The following NAALADL2 variants were observed in gnomAD, a reference collection of about 807,000 sequenced individuals.
NAALADL2 encodes inactive N-acetylated-alpha-linked acidic dipeptidase-like protein 2.
Under a neutral mutation model 87.2 loss-of-function variants are expected in NAALADL2, and 76 were observed. The ratio of observed to expected loss-of-function variants is 0.87; its 90% CI spans 0.72 to 1.05. NAALADL2 has a LOEUF of 1.05. Ranked by LOEUF, NAALADL2 falls within the 50% of genes least tolerant of loss-of-function variation. The pLI, the probability that NAALADL2 is intolerant of heterozygous loss-of-function variation, is 0.00. For synonymous variants in NAALADL2, 354 were observed against 331.0 expected (o/e 1.07, Z -0.75); for missense variants, 1,089 against 945.8 (o/e 1.15, Z -1.99).
chr3:175,079,091 C>A (rs1717221823), intron 1 of NAALADL2, among the ~76,000 whole-genome samples: 2 of 152,210 alleles, frequency 1.3e-5, no homozygotes, highest in Non-Finnish European at 2.9e-5. Flanking sequence ...CTTTCCAACA[C>A]TTATCATCTG....
intron 12 of NAALADL2, among the ~76,000 whole-genome samples, chr3:175,739,861 A>G (rs890042288): frequency 2.6e-5 from 4 of 152,208 alleles, no homozygotes; most frequent in Admixed American, 2.6e-4. Flanking sequence ...ACTAATATCA[A>G]TCACTAAATG....
chr3:174,663,047 A>G (rs1725650356), intron 2 of NAALADL2, among the ~76,000 whole-genome samples: 1 of 152,176 alleles, frequency 6.6e-6, no homozygotes, highest in Admixed American at 6.5e-5. Context: ...ATAATGTAAC[A>G]ATTGTTTACA....
chr3:174,991,215 C>A (rs1746696103), intron 1 of NAALADL2, among the ~76,000 whole-genome samples: 1 of 152,054 alleles, frequency 6.6e-6, no homozygotes, highest in Admixed American at 6.6e-5. Context: ...CCGCTGTATG[C>A]CAGCCACTAG....
intron 5 of NAALADL2, among the ~76,000 whole-genome samples, chr3:175,349,977 G>T (rs185723237): frequency 7.5e-4 from 112 of 148,670 alleles, no homozygotes; most frequent in Non-Finnish European, 1.5e-3. Context: ...CTTCTTCTAT[G>T]TTTGTGACTC....
intron 2 of NAALADL2, among the ~76,000 whole-genome samples, chr3:174,695,243 G>A (rs1022825666): frequency 1.3e-5 from 2 of 151,970 alleles, no homozygotes; most frequent in Non-Finnish European, 2.9e-5. Flanking sequence ...GAGAGTCTAT[G>A]TTAGAATTTT....
intron 8 of NAALADL2, among the ~76,000 whole-genome samples, chr3:175,469,415 T>C (rs571817329): frequency 6.6e-5 from 10 of 152,184 alleles, no homozygotes; most frequent in African/African-American, 1.9e-4. Context: ...AAAGCCCTTA[T>C]TGACATGTCA....
intron 5 of NAALADL2, among the ~76,000 whole-genome samples, chr3:175,418,826 T>A (rs982460720): frequency 6.6e-6 from 1 of 152,038 alleles, no homozygotes; most frequent in African/African-American, 2.4e-5. Flanking sequence ...TCTACAATAG[T>A]TCTGCTTCAG....
intron 11 of NAALADL2, among the ~76,000 whole-genome samples, chr3:175,629,244 T>A (rs1727429786): frequency 6.7e-6 from 1 of 148,334 alleles, no homozygotes; most frequent in South Asian, 2.1e-4. Context: ...CATAAACATA[T>A]ATGATATATT....
intron 1 of NAALADL2, among the ~76,000 whole-genome samples, chr3:174,496,941 C>T (rs986726565): frequency 1.3e-5 from 2 of 152,140 alleles, no homozygotes; most frequent in Non-Finnish European, 2.9e-5. Flanking sequence ...CAGCCAGCAT[C>T]CTGATACCTT....
chr3:174,522,011 AT>A (rs1288477011), intron 1 of NAALADL2, among the ~76,000 whole-genome samples: 4 of 152,026 alleles, frequency 2.6e-5, no homozygotes, highest in African/African-American at 7.2e-5. Context: ...AAGCAGGAGG[AT>A]CACTGGAGCC....
At chr3:175,366,686 G>A (rs1027382288) in intron 5 of NAALADL2, among the ~76,000 whole-genome samples, 89 of 150,948 alleles carry the variant, frequency 5.9e-4, no homozygotes, top group African/African-American at 2.0e-3. Context: ...CATATCCTTC[G>A]CCCACTTTTT....
rs1754369756 is a variant in NAALADL2 at position 175,803,008 on chromosome 3, C to T, written c.2193C>T (p.Asn731=). 1 of 1,606,406 alleles carries T rather than the reference C, an allele frequency of 6.2e-7. No individual in the cohort carries two copies. Among genetic ancestry groups the T allele is most frequent in the Admixed American group, 1.7e-5 (1 of 59,456 alleles). Residue 731 remains asparagine, a synonymous_variant, in exon 14 of 14, where the codon AAC becomes AAT. Coordinates refer to ENST00000454872, the MANE Select transcript of NAALADL2 (RefSeq NM_207015.3). ...TACATTTTGTATTTCTTTTCAGAAA[C>T]ATCCTCTACCACCTTGATGAAAAGA... ...VKQAPPGFYR[N]ILYHLDEKTS...
intron 9 of NAALADL2, among the ~76,000 whole-genome samples, chr3:175,489,582 G>A (rs2149340618): frequency 6.6e-6 from 1 of 152,292 alleles, no homozygotes; most frequent in Non-Finnish European, 1.5e-5. Flanking sequence ...GAAACCAACA[G>A]ATGTCATGTC....
At chr3:174,630,418 A>G (rs992730648) in intron 2 of NAALADL2, among the ~76,000 whole-genome samples, 8 of 152,220 alleles carry the variant, frequency 5.3e-5, no homozygotes, top group African/African-American at 1.9e-4. Context: ...TTTATAAGCC[A>G]GTATGATTTC....
intron 1 of NAALADL2, among the ~76,000 whole-genome samples, chr3:175,011,852 G>A (rs936924538): frequency 6.6e-6 from 1 of 152,000 alleles, no homozygotes; most frequent in Non-Finnish European, 1.5e-5. Context: ...TGTGAATCAG[G>A]GTGGGATTAT....
intron 2 of NAALADL2, among the ~76,000 whole-genome samples, chr3:174,680,858 T>C (rs1727469845): frequency 6.6e-6 from 1 of 152,178 alleles, no homozygotes; most frequent in African/African-American, 2.4e-5. Context: ...ATAAATACCT[T>C]CATAAGAACT....
chr3:175,451,021 A>G (rs1560572614), intron 6 of NAALADL2, among the ~76,000 whole-genome samples: 1 of 152,160 alleles, frequency 6.6e-6, no homozygotes, highest in Non-Finnish European at 1.5e-5. Flanking sequence ...AAATAGATAT[A>G]GAGAGAAGGT....
At chr3:175,746,515 T>C (rs1745966297) in intron 12 of NAALADL2, among the ~76,000 whole-genome samples, 1 of 152,166 alleles carries the variant, frequency 6.6e-6, no homozygotes, top group Admixed American at 6.5e-5. Flanking sequence ...GGCCAGTAGA[T>C]AATGAAGTAC....
chr3:175,678,669 A>T (rs1283709367), intron 11 of NAALADL2, among the ~76,000 whole-genome samples: 1 of 152,188 alleles, frequency 6.6e-6, no homozygotes, highest in African/African-American at 2.4e-5. Flanking sequence ...GTGGGAATTG[A>T]ACAATGAGAA....
Sources: allele counts gnomAD v4.1 joint callset (sites outside exome capture counted in the v4.1 genomes callset), GRCh38; gene constraint gnomAD v4.1.1; transcripts MANE v1.5; gene names NCBI Gene and HGNC (gene_info 2026-07-23, HGNC 2026-07-21).